MSRA: variants seen among roughly 807,000 people sequenced by gnomAD.
MSRA encodes mitochondrial peptide methionine sulfoxide reductase.
Under a neutral mutation model 31.3 loss-of-function variants are expected in MSRA, and 54 were observed. The ratio of observed to expected loss-of-function variants is 1.73; its 90% CI spans 1.39 to 2.17. The LOEUF (loss-of-function observed/expected upper bound fraction) is 2.17, where lower values mean the gene tolerates loss of function less well. MSRA is among the 30% of genes most tolerant of loss of function. The probability of loss-of-function intolerance (pLI) is 0.00; values close to 1 mark genes in which losing one functional copy is unlikely to be tolerated. For missense variants in MSRA, 507 were observed against 300.9 expected, an observed-to-expected ratio of 1.69 and a Z score of -5.07; for synonymous variants, 169 against 116.5, an observed-to-expected ratio of 1.45 and a Z score of -2.90.
intron 1 of MSRA, among the ~76,000 whole-genome samples, chr8:10,117,953 C>T (rs1048412706): frequency 3.3e-5 from 5 of 152,086 alleles, no homozygotes; most frequent in Admixed American, 6.6e-5. Flanking sequence ...GAAGGTAGAA[C>T]ATAAACAAAA....
At chr8:10,117,689 G>C (rs539379722) in intron 1 of MSRA, among the ~76,000 whole-genome samples, 3 of 152,286 alleles carry the variant, frequency 2.0e-5, no homozygotes, top group Admixed American at 6.5e-5. Flanking sequence ...GAAAGATCAA[G>C]CAAATACATT....
chr8:10,294,849 G>A (rs983356097), intron 3 of MSRA, among the ~76,000 whole-genome samples: 1 of 152,204 alleles, frequency 6.6e-6, no homozygotes, highest in East Asian at 1.9e-4. Flanking sequence ...CTGAGCACCG[G>A]GACCAGGGCC....
At chr8:10,213,583 C>T (rs1405063862) in intron 2 of MSRA, among the ~76,000 whole-genome samples, 3 of 151,808 alleles carry the variant, frequency 2.0e-5, no homozygotes, top group Non-Finnish European at 4.4e-5. Context: ...ATGACAGGTG[C>T]GTGCCAACAT....
chr8:10,415,552 G>A (rs762869929), intron 5 of MSRA, among the ~76,000 whole-genome samples: 1 of 152,066 alleles, frequency 6.6e-6, no homozygotes, highest in Non-Finnish European at 1.5e-5. Context: ...CGCAGAAATA[G>A]GCCACAGCTT....
At chr8:10,125,445 G>C (rs540415427) in intron 1 of MSRA, among the ~76,000 whole-genome samples, 2 of 152,326 alleles carry the variant, frequency 1.3e-5, no homozygotes, top group African/African-American at 4.8e-5. Context: ...GGGACACTCA[G>C]GAGTGAGAAT....
intron 5 of MSRA, among the ~76,000 whole-genome samples, chr8:10,341,238 G>A (rs528781978): frequency 1.3e-5 from 2 of 152,346 alleles, no homozygotes; most frequent in South Asian, 4.1e-4. Context: ...TTTACAGGAA[G>A]CCTGCTGGCA....
intron 3 of MSRA, among the ~76,000 whole-genome samples, chr8:10,291,188 G>C (rs548040113): frequency 9.2e-5 from 14 of 152,162 alleles, no homozygotes; most frequent in Non-Finnish European, 2.1e-4. Flanking sequence ...ATCCAGTACT[G>C]AGCTGTGTTT....
chr8:10,184,385 A>G (rs995582483), intron 1 of MSRA, among the ~76,000 whole-genome samples: 7 of 151,868 alleles, frequency 4.6e-5, no homozygotes, highest in African/African-American at 1.7e-4. Context: ...AGAAAGAATC[A>G]GTTTCCTGCC....
intron 1 of MSRA, among the ~76,000 whole-genome samples, chr8:10,090,238 C>T (rs1040960872): frequency 6.6e-6 from 1 of 152,246 alleles, no homozygotes; most frequent in East Asian, 1.9e-4. Flanking sequence ...CTGGGAGGGC[C>T]TAGCAGTCCA....
intron 3 of MSRA, among the ~76,000 whole-genome samples, chr8:10,251,939 C>T (rs1470327253): frequency 1.3e-5 from 2 of 151,748 alleles, no homozygotes; most frequent in East Asian, 3.9e-4. Flanking sequence ...TCCAATACAA[C>T]AGCTTTCAAA....
chr8:10,208,211 ATT>A (rs796930545), intron 2 of MSRA, among the ~76,000 whole-genome samples: 5 of 146,416 alleles, frequency 3.4e-5, no homozygotes, highest in African/African-American at 1.2e-4. Context: ...GCTAGCACGG[ATT>A]TTTTTTTTTT....
At position 10,054,299 on chromosome 8, in the gene MSRA, G is replaced by A. The variant is rs887196474; in HGVS notation, c.-218G>A. On this transcript the variant is annotated 5_prime_UTR_variant, in exon 1 of 6. Transcript: ENST00000317173. ...CGCCGGGCCACACCCCCTGTCCAGG[G>A]AAGGAACACGCCCCCGGTGACAGCC... 7.5e-5 allele frequency: 27 copies of A among 359,674 alleles called. No individual in the cohort carries two copies. Among genetic ancestry groups the A allele is most frequent in the Non-Finnish European group, 1.1e-4 (22 of 206,862 alleles). The allele number at this position is 359,674 out of a possible 1,614,324, so 22.3% of individuals were successfully genotyped here. A position where few individuals can be genotyped will look rare whatever the true frequency, so the allele number is the denominator to read the frequency against.
At chr8:10,384,536 G>T (rs549583569) in intron 5 of MSRA, among the ~76,000 whole-genome samples, 12 of 152,338 alleles carry the variant, frequency 7.9e-5, no homozygotes, top group African/African-American at 2.4e-4. Flanking sequence ...GGAATAACCA[G>T]TGGCGGTTTG....
At chr8:10,222,121 T>C (rs1297819630) in intron 2 of MSRA, among the ~76,000 whole-genome samples, 5 of 152,038 alleles carry the variant, frequency 3.3e-5, no homozygotes, top group African/African-American at 7.3e-5. Flanking sequence ...CTGTTGAAGA[T>C]GGCATATTTA....
intron 5 of MSRA, among the ~76,000 whole-genome samples, chr8:10,352,293 T>C (rs534316138): frequency 2.0e-5 from 3 of 152,324 alleles, no homozygotes; most frequent in Non-Finnish European, 4.4e-5. Flanking sequence ...TACAATAATA[T>C]AGAAAAGACT....
At chr8:10,168,979 G>A (rs567762636) in intron 1 of MSRA, among the ~76,000 whole-genome samples, 2 of 152,146 alleles carry the variant, frequency 1.3e-5, no homozygotes, top group African/African-American at 4.8e-5. Context: ...TATGAGGCAC[G>A]GGCAGGTCTT....
At chr8:10,087,199 T>C (rs1328062779) in intron 1 of MSRA, among the ~76,000 whole-genome samples, 1 of 152,212 alleles carries the variant, frequency 6.6e-6, no homozygotes, top group African/African-American at 2.4e-5. Context: ...GCCTTACTAA[T>C]TTCAGCATAC....
chr8:10,275,641 C>A (rs1487595978), intron 3 of MSRA, among the ~76,000 whole-genome samples: 1 of 152,194 alleles, frequency 6.6e-6, no homozygotes, highest in Non-Finnish European at 1.5e-5. Flanking sequence ...AGTCTGTGCC[C>A]TTCACCACTA....
chr8:10,125,449 T>G (rs1399203876), intron 1 of MSRA, among the ~76,000 whole-genome samples: 1 of 151,572 alleles, frequency 6.6e-6, no homozygotes, highest in Non-Finnish European at 1.5e-5. Flanking sequence ...CACTCAGGAG[T>G]GAGAATCACC....
Sources: allele counts gnomAD v4.1 joint callset (sites outside exome capture counted in the v4.1 genomes callset), GRCh38; gene constraint gnomAD v4.1.1; transcripts MANE v1.5; gene names NCBI Gene and HGNC (gene_info 2026-07-23, HGNC 2026-07-21).